Variants in CIT observed in about 807,000 individuals in gnomAD.
CIT encodes the protein citron rho-interacting serine/threonine kinase.
A neutral mutation model predicts 272.7 loss-of-function variants in CIT; 79 were observed. That is an observed-to-expected ratio of 0.29 (90% confidence interval 0.24 to 0.35). CIT has a LOEUF of 0.35. Among genes scored for constraint, CIT ranks in the 10% least tolerant of loss-of-function variants. The pLI, the probability that CIT is intolerant of heterozygous loss-of-function variation, is 1.00. For missense variants in CIT, 1,909 were observed against 2,618.3 expected, an observed-to-expected ratio of 0.73 and a Z score of 5.91; for synonymous variants, 948 against 995.6, an observed-to-expected ratio of 0.95 and a Z score of 0.90.
At chr12:119,790,522 A>G (rs1467420663) in intron 10 of CIT, among the ~76,000 whole-genome samples, 1 of 152,142 alleles carries the variant, frequency 6.6e-6, no homozygotes, top group Non-Finnish European at 1.5e-5. Flanking sequence ...TGTTCTCAAA[A>G]TTCTCAAACT....
chr12:119,787,052 C>T (rs1166967757), intron 10 of CIT, among the ~76,000 whole-genome samples: 1 of 152,150 alleles, frequency 6.6e-6, no homozygotes, highest in Non-Finnish European at 1.5e-5. Context: ...GCAGCCTCGA[C>T]TTCCCAGACT....
At chr12:119,689,803 A>G (rs1164947713) in intron 47 of CIT, among the ~76,000 whole-genome samples, 8 of 148,758 alleles carry the variant, frequency 5.4e-5, no homozygotes, top group Admixed American at 1.4e-4. Flanking sequence ...TCAGCCTCCC[A>G]AGTAGCTGGG....
At chr12:119,700,692 C>G in intron 44 of CIT, 53 bp downstream of exon 44, 2 of 1,473,282 alleles carry the variant, frequency 1.4e-6, no homozygotes, top group African/African-American at 2.8e-5. Flanking sequence ...CAATTCTTTT[C>G]CAGGACACCA....
intron 23 of CIT, among the ~76,000 whole-genome samples, chr12:119,746,812 T>C (rs907637554): frequency 6.6e-6 from 1 of 152,220 alleles, no homozygotes; most frequent in African/African-American, 2.4e-5. Flanking sequence ...ACTGACCCTG[T>C]TGTGGTTGCT....
intron 2 of CIT, among the ~76,000 whole-genome samples, chr12:119,870,541 C>T (rs1178354791): frequency 7.5e-6 from 1 of 132,898 alleles, no homozygotes; most frequent in Non-Finnish European, 1.6e-5. Flanking sequence ...CACAGTGAGA[C>T]TCCCTCTCAA....
At chr12:119,782,864 C>G (rs1350145463) in intron 12 of CIT, 1 of 446,654 alleles carries the variant, frequency 2.2e-6, no homozygotes, top group Non-Finnish European at 4.0e-6. Context: ...CAGCCGGAAA[C>G]TGCATCAGCC....
intron 28 of CIT, among the ~76,000 whole-genome samples, chr12:119,726,385 ATTTT>A (rs3999547): frequency 9.9e-6 from 1 of 101,416 alleles, no homozygotes; most frequent in Admixed American, 1.1e-4. Flanking sequence ...CACTTGGCTA[ATTTT>A]TTTTTTTTTT....
At chr12:119,703,392 C>T (rs907132957) in intron 41 of CIT, among the ~76,000 whole-genome samples, 1 of 151,306 alleles carries the variant, frequency 6.6e-6, no homozygotes, top group Non-Finnish European at 1.5e-5. Flanking sequence ...CAGGTAATGA[C>T]CCTTATATAT....
chr12:119,833,034 C>T (rs906171792), intron 6 of CIT, among the ~76,000 whole-genome samples, 170 bp from the exon 7 acceptor site: 3 of 148,928 alleles, frequency 2.0e-5, no homozygotes, highest in Non-Finnish European at 4.4e-5. Context: ...TGAATTTAAC[C>T]GAAAGGAAGG....
At chr12:119,777,402 T>C (rs1963865786) in intron 13 of CIT, among the ~76,000 whole-genome samples, 1 of 152,108 alleles carries the variant, frequency 6.6e-6, no homozygotes, top group African/African-American at 2.4e-5. Flanking sequence ...CCGGGTGTTG[T>C]GGCTCATGCC....
chr12:119,693,048 A>G (rs61068064), intron 46 of CIT, among the ~76,000 whole-genome samples: 12,863 of 150,228 alleles, frequency 0.086, 1,595 homozygotes, highest in African/African-American at 0.28. Context: ...TGTCCACAAG[A>G]AACTATCATA....
Position 119,857,631 on chromosome 12 carries a change from A to G in CIT, c.306T>C (p.Leu102=), listed in dbSNP as rs369469959. 274 of 1,614,054 alleles carry G rather than the reference A, an allele frequency of 1.7e-4. No homozygotes were observed. Among genetic ancestry groups the G allele is most frequent in the Admixed American group, 2.3e-4 (14 of 59,998 alleles). ...PSAKDFEVRS[L]VGCGHFAEVQ... ...CTTCAGCAAAGTGACCACAACCTAC[A>G]AGACTTCTGACTTCGAAGTCCTTTG... Residue 102 remains leucine (L), a synonymous_variant, in exon 4 of 48, where the codon CTT becomes CTC. Transcript: ENST00000392521.
chr12:119,745,920 C>T (rs897673213), intron 23 of CIT, among the ~76,000 whole-genome samples: 1 of 152,174 alleles, frequency 6.6e-6, no homozygotes, highest in Non-Finnish European at 1.5e-5. Flanking sequence ...AGCCTATATT[C>T]TATGGACTAA....
At chr12:119,703,494 C>T (rs916875879) in intron 41 of CIT, among the ~76,000 whole-genome samples, 4 of 144,362 alleles carry the variant, frequency 2.8e-5, no homozygotes, top group South Asian at 2.2e-4. Context: ...AGTGCAATCT[C>T]GGTTCACTGC....
At chr12:119,785,111 A>C (rs890609858) in intron 10 of CIT, 46 bp from the exon 11 acceptor site, 14 of 1,594,128 alleles carry the variant, frequency 8.8e-6, no homozygotes, top group Non-Finnish European at 1.1e-5. Context: ...AGGTGGGCCT[A>C]AGAAGCTGCA....
At chr12:119,776,224 C>T (rs1963732431) in intron 15 of CIT, 134 bp downstream of exon 15, 2 of 743,238 alleles carry the variant, frequency 2.7e-6, no homozygotes, top group East Asian at 4.9e-5. Context: ...GGTGGACTAT[C>T]AAAATAAGCC....
At chr12:119,765,445 A>G (rs1962328085) in intron 19 of CIT, among the ~76,000 whole-genome samples, 1 of 144,124 alleles carries the variant, frequency 6.9e-6, no homozygotes, top group Non-Finnish European at 1.5e-5. Context: ...CTTAAGCAGA[A>G]TAAGATAAGT....
chr12:119,832,069 T>C (rs1019436371), intron 7 of CIT, among the ~76,000 whole-genome samples: 2 of 152,210 alleles, frequency 1.3e-5, no homozygotes, highest in African/African-American at 4.8e-5. Flanking sequence ...AATGGCTCAG[T>C]TGTAAAATCA....
intron 7 of CIT, among the ~76,000 whole-genome samples, chr12:119,830,796 G>C (rs748604204): frequency 6.6e-6 from 1 of 152,138 alleles, no homozygotes; most frequent in African/African-American, 2.4e-5. Context: ...GTAGTGCTGA[G>C]GTTACACTGT....
Sources: allele counts gnomAD v4.1 joint callset (sites outside exome capture counted in the v4.1 genomes callset), GRCh38; gene constraint gnomAD v4.1.1; transcripts MANE v1.5; gene names NCBI Gene and HGNC (gene_info 2026-07-23, HGNC 2026-07-21).